Variants in SUN1 observed in about 807,000 individuals in gnomAD.
The protein encoded by SUN1 is SUN domain-containing protein 1.
SUN1 carries 61 observed loss-of-function variants against 103.2 expected under a neutral mutation model. The observed-to-expected ratio is 0.59, with a 90% CI of 0.48 to 0.73. The LOEUF (loss-of-function observed/expected upper bound fraction) is 0.73. Ranked by LOEUF, SUN1 falls within the 30% of genes least tolerant of loss-of-function variation. The probability of loss-of-function intolerance (pLI) is 0.00; values close to 1 mark genes in which losing one functional copy is unlikely to be tolerated. For missense variants in SUN1, 1,052 were observed against 1,034.6 expected (o/e 1.02, Z -0.23); for synonymous variants, 490 against 425.7 (o/e 1.15, Z -1.86).
chr7:854,893 A>G, intron 10 of SUN1, 27 bp from the exon 11 acceptor site: 2 of 1,566,400 alleles, frequency 1.3e-6, no homozygotes, highest in Non-Finnish European at 8.7e-7. Flanking sequence ...TTTCTCCATC[A>G]TTTGTTCACT....
In SUN1 at chr7:832,487, C is replaced by T; in HGVS notation, c.-38C>T. 1 of 1,596,980 alleles carries T rather than the reference C, an allele frequency of 6.3e-7. No homozygotes were observed. On this transcript the variant is annotated 5_prime_UTR_variant, in exon 1 of 19. Coordinates refer to ENST00000401592, the MANE Select transcript of SUN1 (RefSeq NM_001130965.3). The stretch of plus-strand genomic sequence containing the variant: ...CTGCCCGTTAAAACACTCTGCATTT[C>T]TTTCCCGCCCTCTGCAGTATGGTTT...
chr7:866,773 C>T (rs1837288059), intron 16 of SUN1, among the ~76,000 whole-genome samples: 1 of 135,632 alleles, frequency 7.4e-6, no homozygotes, highest in South Asian at 2.6e-4. Context: ...GGGCCTTCGC[C>T]CACCCCTCCC....
At chr7:831,593 G>C (rs543498504), upstream of SUN1, among the ~76,000 whole-genome samples, 1 of 152,312 alleles carries the variant, frequency 6.6e-6, no homozygotes, top group South Asian at 2.1e-4. Flanking sequence ...AAATGCAGGA[G>C]TTTCATCATG....
chr7:842,823 G>C (rs1811491556), intron 3 of SUN1: 1 of 346,566 alleles, frequency 2.9e-6, no homozygotes, highest in Non-Finnish European at 5.5e-6. Context: ...ATTGGTGTTT[G>C]TTCTGTTTTG....
chr7:855,445 A>G (rs1826227685), intron 11 of SUN1, among the ~76,000 whole-genome samples: 1 of 152,142 alleles, frequency 6.6e-6, no homozygotes, highest in Non-Finnish European at 1.5e-5. Context: ...ATGCCAGGGG[A>G]GGGACTGGGC....
At chr7:856,913 G>A (rs1827992987) in intron 12 of SUN1, among the ~76,000 whole-genome samples, 1 of 152,194 alleles carries the variant, frequency 6.6e-6, no homozygotes, top group Non-Finnish European at 1.5e-5. Context: ...GTGTCACGGT[G>A]GGCCTCTCCG....
At chr7:847,516 C>T (rs1271788445) in intron 5 of SUN1, among the ~76,000 whole-genome samples, 5 of 92,262 alleles carry the variant, frequency 5.4e-5, no homozygotes, top group Non-Finnish European at 1.1e-4. Context: ...GCGGAGTTGG[C>T]GGCCTTCCCC....
chr7:854,534 C>T lies in SUN1; in HGVS notation c.1264-386C>T, dbSNP rs545663432. 3.7e-3 allele frequency among the ~76,000 whole-genome samples: 556 copies of T among 152,318 alleles called. 3 individuals carry two copies. Among genetic ancestry groups the T allele is most frequent in the African/African-American group, 0.012 (506 of 41,570 alleles). ...AGATGCAGCACGTCCCACGATGGCCCGAGGGGCGCTGGATGGCGTGCTGGA... is the reference window on the plus strand; with the variant it reads ...AGATGCAGCACGTCCCACGATGGCCTGAGGGGCGCTGGATGGCGTGCTGGA... On this transcript the variant is annotated intron_variant, in intron 10 of 18. Transcript: ENST00000401592.
At chr7:859,967 G>A (rs764813933) in intron 13 of SUN1, among the ~76,000 whole-genome samples, 161 bp from the exon 14 acceptor site, 2 of 152,186 alleles carry the variant, frequency 1.3e-5, no homozygotes, top group Non-Finnish European at 2.9e-5. Flanking sequence ...TGCATTATTG[G>A]AGGGGTTATT....
At chr7:821,818 G>C (rs928419739) in intron 1 of SUN1, among the ~76,000 whole-genome samples, 1 of 152,168 alleles carries the variant, frequency 6.6e-6, no homozygotes, top group Non-Finnish European at 1.5e-5. Context: ...CAGCGGGAAA[G>C]GGAGTTCCCA....
intron 1 of SUN1, among the ~76,000 whole-genome samples, chr7:822,637 T>C (rs989464147): frequency 1.4e-5 from 2 of 137,942 alleles, no homozygotes; most frequent in African/African-American, 5.6e-5. Context: ...AACTGAAAAG[T>C]ATTCACCTTG....
intron 1 of SUN1, among the ~76,000 whole-genome samples, chr7:821,864 A>G (rs1192073650): frequency 6.6e-6 from 1 of 152,206 alleles, no homozygotes; most frequent in Non-Finnish European, 1.5e-5. Flanking sequence ...AAACAGGACT[A>G]TCTAGGCAGT....
intron 1 of SUN1, among the ~76,000 whole-genome samples, chr7:837,200 G>T (rs1051684838): frequency 6.6e-6 from 1 of 152,240 alleles, no homozygotes; most frequent in African/African-American, 2.4e-5. Context: ...AAGTGCTGGG[G>T]TGAGCAGGGT....
At chr7:823,536 G>A (rs1210534847) in intron 1 of SUN1, among the ~76,000 whole-genome samples, 1 of 152,086 alleles carries the variant, frequency 6.6e-6, no homozygotes, top group Non-Finnish European at 1.5e-5. Flanking sequence ...GGGGAGGAGA[G>A]GGTTCCCTGG....
intron 17 of SUN1, 36 bp from the exon 18 acceptor site, chr7:872,434 C>A (rs1241701757): frequency 1.9e-6 from 3 of 1,541,444 alleles, no homozygotes; most frequent in Non-Finnish European, 2.6e-6. Context: ...TGTTATTTTT[C>A]CATTCGTTCA....
chr7:840,186 G>A (rs182053588), intron 2 of SUN1, among the ~76,000 whole-genome samples: 24 of 152,302 alleles, frequency 1.6e-4, no homozygotes, highest in Non-Finnish European at 2.6e-4. Flanking sequence ...ACTCCCAGCC[G>A]GTGGCTTCCA....
chr7:857,743 C>T (rs759114994), intron 12 of SUN1, 85 bp from the exon 13 acceptor site: 112 of 1,416,384 alleles, frequency 7.9e-5, no homozygotes, highest in Non-Finnish European at 9.7e-5. Flanking sequence ...GGAGTGGGAT[C>T]GGGTTCCCCT....
chr7:836,614 A>G (rs1803485407), intron 1 of SUN1, among the ~76,000 whole-genome samples: 1 of 152,222 alleles, frequency 6.6e-6, no homozygotes. Flanking sequence ...GCTGTCCAGC[A>G]GGAGGAGCTC....
chr7:835,002 A>G (rs10950673), intron 1 of SUN1, among the ~76,000 whole-genome samples: 27,014 of 152,220 alleles, frequency 0.18, 2,503 homozygotes, highest in East Asian at 0.3. Context: ...CTTGAACCCA[A>G]GAGGTGGAGG....
Sources: allele counts gnomAD v4.1 joint callset (sites outside exome capture counted in the v4.1 genomes callset), GRCh38; gene constraint gnomAD v4.1.1; transcripts MANE v1.5; gene names NCBI Gene and HGNC (gene_info 2026-07-23, HGNC 2026-07-21).